Variants in PSMA6 observed in about 807,000 individuals in gnomAD.
PSMA6 encodes the protein proteasome subunit alpha type-6.
For synonymous variants in PSMA6, 88 were observed against 97.7 expected, an observed-to-expected ratio of 0.90 and a Z score of 0.59; for missense variants, 170 against 294.8, an observed-to-expected ratio of 0.58 and a Z score of 3.10.
intron 1 of PSMA6, among the ~76,000 whole-genome samples, chr14:35,296,443 G>T (rs1043297382): frequency 6.6e-6 from 1 of 152,104 alleles, no homozygotes; most frequent in African/African-American, 2.4e-5. Context: ...TGATTCTCCT[G>T]CCTCAGCCTC....
chr14:35,312,607 A>G (rs970662212), intron 4 of PSMA6: 2 of 401,268 alleles, frequency 5.0e-6, no homozygotes, highest in African/African-American at 4.1e-5. Context: ...GGATAACAGC[A>G]AGGATTGGAA....
chr14:35,297,112 TAAC>T (rs1427606389), intron 1 of PSMA6, among the ~76,000 whole-genome samples: 6 of 130,160 alleles, frequency 4.6e-5, no homozygotes, highest in East Asian at 2.6e-4. Context: ...AAAAAAATCT[TAAC>T]AAAGTTTTTT....
At chr14:35,287,421 C>CT (rs371888978), upstream of PSMA6, among the ~76,000 whole-genome samples, 75 of 151,732 alleles carry the variant, frequency 4.9e-4, no homozygotes, top group African/African-American at 1.7e-3. Flanking sequence ...AAATAGGCTT[C>CT]TTTTTTTTTA....
upstream of PSMA6, among the ~76,000 whole-genome samples, chr14:35,291,170 G>A (rs983275276): frequency 6.8e-6 from 1 of 147,386 alleles, no homozygotes; most frequent in African/African-American, 2.5e-5. Flanking sequence ...TTTATTTTTT[G>A]TAGAGACGGG....
chr14:35,295,680 G>GAAGAA (rs2051572504), intron 1 of PSMA6, among the ~76,000 whole-genome samples: 1 of 152,084 alleles, frequency 6.6e-6, no homozygotes, highest in African/African-American at 2.4e-5. Context: ...TTGAACTCCT[G>GAAGAA]ACTTCAGGTG....
exon 1 of PSMA6, chr14:35,278,646 G>T: frequency 1.3e-6 from 2 of 1,533,306 alleles, no homozygotes; most frequent in Non-Finnish European, 1.7e-6. Context: ...GTCCTAGGCT[G>T]GGAGAATGGG....
intron 4 of PSMA6, chr14:35,311,097 C>G (rs1458741499): frequency 2.1e-6 from 1 of 478,120 alleles, no homozygotes; most frequent in African/African-American, 2.0e-5. Flanking sequence ...GCTTTAGATG[C>G]TGTTAGACTT....
intron 6 of PSMA6, 120 bp from the exon 7 acceptor site, chr14:35,317,129 A>G (rs77694182): frequency 4.1e-4 from 297 of 721,194 alleles, no homozygotes; most frequent in Non-Finnish European, 6.1e-4. Context: ...TGGTTTATAA[A>G]TTGATAATTG....
At chr14:35,286,076 G>A (rs1400895900) in intron 1 of PSMA6, among the ~76,000 whole-genome samples, 1 of 152,160 alleles carries the variant, frequency 6.6e-6, no homozygotes. Context: ...AATAGTAGGT[G>A]GCTTAATTTC....
intron 1 of PSMA6, among the ~76,000 whole-genome samples, chr14:35,305,757 T>A (rs1429168517): frequency 6.6e-6 from 1 of 152,216 alleles, no homozygotes; most frequent in Non-Finnish European, 1.5e-5. Flanking sequence ...GTTTTCATAT[T>A]TTCTACCATG....
intron 1 of PSMA6, among the ~76,000 whole-genome samples, chr14:35,283,607 G>A (rs1393792875): frequency 6.7e-6 from 1 of 148,176 alleles, no homozygotes. Flanking sequence ...CCAGGCTGGA[G>A]TGCCGTGATG....
chr14:35,288,272 C>T (rs148957923), upstream of PSMA6, among the ~76,000 whole-genome samples: 89 of 152,126 alleles, frequency 5.9e-4, no homozygotes, highest in African/African-American at 2.1e-3. Context: ...CCGAGGTAGG[C>T]GGATCACTTG....
At chr14:35,317,225 T>C in intron 6 of PSMA6, 24 bp from the exon 7 acceptor site, 1 of 1,609,070 alleles carries the variant, frequency 6.2e-7, no homozygotes, top group African/African-American at 1.3e-5. Flanking sequence ...AAATCGTTGT[T>C]TTTTTCCCCC....
At chr14:35,298,256 G>A (rs931786051) in intron 1 of PSMA6, among the ~76,000 whole-genome samples, 2 of 152,038 alleles carry the variant, frequency 1.3e-5, no homozygotes, top group Admixed American at 6.6e-5. Context: ...TTGGGAGGCC[G>A]AGGCAGGTGG....
rs762451858 is a variant in PSMA6, at chr14:35,308,915, A to G, written c.173A>G (p.Asp58Gly). ...AVIVTQKKVPDKLLDSSTVTH... is the reference protein window; with the variant it reads ...AVIVTQKKVPGKLLDSSTVTH... The stretch of plus-strand genomic sequence containing the variant: ...ATCTTTGTTTATTTTGTTTATTAGG[A>G]CAAATTATTGGATTCCAGCACAGTG... The change falls in exon 3 of 7, where the codon GAC (aspartate) becomes GGC (glycine). Residue 58 changes from aspartate to glycine, a missense_variant and splice_region_variant. Coordinates refer to ENST00000261479, the MANE Select transcript of PSMA6 (RefSeq NM_002791.3). The G allele has an allele frequency of 1.3e-6, 2 of 1,596,468 alleles. No individual in the cohort carries two copies. The highest frequency in any genetic ancestry group is 1.7e-6 in the Non-Finnish European group (2 of 1,168,270).
At chr14:35,300,620 T>G (rs2051693401) in intron 1 of PSMA6, among the ~76,000 whole-genome samples, 1 of 152,200 alleles carries the variant, frequency 6.6e-6, no homozygotes, top group Non-Finnish European at 1.5e-5. Context: ...TTTTCACATT[T>G]TTATTATAGA....
At chr14:35,313,142 C>A (rs2051977312) in intron 5 of PSMA6, 83 bp downstream of exon 5, 2 of 1,238,952 alleles carry the variant, frequency 1.6e-6, no homozygotes, top group Non-Finnish European at 2.2e-6. Flanking sequence ...CAAAGCTATT[C>A]CTGAATTACA....
At chr14:35,279,906 C>CCT (rs1491347408) in intron 1 of PSMA6, among the ~76,000 whole-genome samples, 21 of 147,032 alleles carry the variant, frequency 1.4e-4, no homozygotes, top group Middle Eastern at 4.1e-3. Context: ...GGGCGGATCA[C>CCT]GAGGTCAGGA....
chr14:35,297,131 T>G (rs1274286539), intron 1 of PSMA6, among the ~76,000 whole-genome samples: 51 of 148,830 alleles, frequency 3.4e-4, no homozygotes, highest in African/African-American at 1.1e-3. Context: ...TTTTTTTTTT[T>G]TTTTTTTTTT....
Sources: allele counts gnomAD v4.1 joint callset (sites outside exome capture counted in the v4.1 genomes callset), GRCh38; gene constraint gnomAD v4.1.1; transcripts MANE v1.5; gene names NCBI Gene and HGNC (gene_info 2026-07-23, HGNC 2026-07-21).